Variants in TMEM132C observed in about 807,000 individuals in gnomAD.
TMEM132C encodes the protein transmembrane protein 132C.
In TMEM132C, 29 loss-of-function variants were observed where a neutral mutation model predicts 61.4. That is an observed-to-expected ratio of 0.47 (90% confidence interval 0.35 to 0.64). The LOEUF is 0.64. TMEM132C is among the 30% of genes least tolerant of loss of function. The pLI is 0.00. For synonymous variants in TMEM132C, 656 were observed against 633.1 expected (o/e 1.04, Z -0.54); for missense variants, 1,408 against 1,476.9 (o/e 0.95, Z 0.76).
chr12:128,478,252 G>A (rs1871215257), intron 2 of TMEM132C, among the ~76,000 whole-genome samples: 1 of 152,106 alleles, frequency 6.6e-6, no homozygotes, highest in Non-Finnish European at 1.5e-5. Context: ...CTTCAATTTA[G>A]CCATCAGCTG....
Position 128,376,807 on chromosome 12 carries a change from T to C in TMEM132C, c.86-37925T>C, listed in dbSNP as rs187673833. ...ATAGGTGTGTGCCCCGAAGTGGGCA[T>C]GGGATGTAAACCTGTTTTTCCTCAC... On this transcript the variant is annotated intron_variant, in intron 1 of 8. Coordinates refer to ENST00000435159, the MANE Select transcript of TMEM132C (RefSeq NM_001136103.3). 8.5e-4 allele frequency among the ~76,000 whole-genome samples: 129 copies of C among 152,332 alleles called. No homozygotes were observed. The East Asian group carries it at 0.024, about 28-fold the overall frequency.
At chr12:128,502,791 T>C (rs1872226207) in intron 2 of TMEM132C, among the ~76,000 whole-genome samples, 1 of 152,194 alleles carries the variant, frequency 6.6e-6, no homozygotes, top group African/African-American at 2.4e-5. Flanking sequence ...ATGGCCCCAA[T>C]GGAATGTGCC....
intron 1 of TMEM132C, among the ~76,000 whole-genome samples, chr12:128,277,231 T>C (rs10773518): frequency 0.5 from 76,508 of 152,058 alleles, 19,905 homozygotes; most frequent in African/African-American, 0.64. Flanking sequence ...AAAAATAATT[T>C]GTTCAGTAAC....
chr12:128,274,945 A>G (rs1413686688), intron 1 of TMEM132C, among the ~76,000 whole-genome samples: 1 of 152,190 alleles, frequency 6.6e-6, no homozygotes, highest in African/African-American at 2.4e-5. Context: ...AGAAAGGTAT[A>G]AGACAGCCTC....
intron 1 of TMEM132C, among the ~76,000 whole-genome samples, chr12:128,385,251 G>C (rs1358604931): frequency 7.2e-6 from 1 of 138,860 alleles, no homozygotes; most frequent in Non-Finnish European, 1.6e-5. Flanking sequence ...TCCTCGCACA[G>C]AGCCTGATAG....
chr12:128,706,046 C>T lies in TMEM132C; in HGVS notation c.3078C>T (p.His1026=). 6.4e-7 allele frequency: 1 copy of T among 1,551,746 alleles called. No individual in the cohort carries two copies. Among genetic ancestry groups the T allele is most frequent in the East Asian group, 2.4e-5 (1 of 40,908 alleles). ...GSHKHVQSQI[H]RSADSGGRQG... ...ACAAGCACGTGCAGAGCCAGATTCA[C>T]AGGTCAGCCGACTCCGGGGGGCGGC... Residue 1026 remains histidine, a synonymous_variant, in exon 9 of 9, where the codon CAC becomes CAT. Transcript: ENST00000435159.
intron 2 of TMEM132C, among the ~76,000 whole-genome samples, chr12:128,473,600 C>T (rs572494958): frequency 3.9e-5 from 6 of 152,290 alleles, no homozygotes; most frequent in African/African-American, 1.2e-4. Context: ...ACTCCAGCCT[C>T]TATCTTCATC....
At chr12:128,647,457 C>T (rs1954216356) in intron 4 of TMEM132C, among the ~76,000 whole-genome samples, 1 of 147,066 alleles carries the variant, frequency 6.8e-6, no homozygotes, top group Non-Finnish European at 1.5e-5. Context: ...TGTGAGTTTA[C>T]TAGAGTCCAT....
chr12:128,545,402 G>C (rs1358010581), intron 3 of TMEM132C, among the ~76,000 whole-genome samples: 2 of 152,142 alleles, frequency 1.3e-5, no homozygotes, highest in African/African-American at 4.8e-5. Context: ...CTTTGCTATT[G>C]TGAACAGTGC....
chr12:128,311,459 G>A (rs1871960621), intron 1 of TMEM132C, among the ~76,000 whole-genome samples: 1 of 152,216 alleles, frequency 6.6e-6, no homozygotes. Flanking sequence ...GGACACAGCA[G>A]GCTCTTGTTG....
chr12:128,658,487 C>T (rs981032832), intron 4 of TMEM132C, among the ~76,000 whole-genome samples: 3 of 152,152 alleles, frequency 2.0e-5, no homozygotes, highest in Non-Finnish European at 2.9e-5. Flanking sequence ...ACTGCGCTTC[C>T]GCTGAGATAG....
At chr12:128,412,302 A>G (rs1007971363) in intron 1 of TMEM132C, among the ~76,000 whole-genome samples, 2 of 152,068 alleles carry the variant, frequency 1.3e-5, no homozygotes, top group African/African-American at 2.4e-5. Context: ...TTTTCTCCCC[A>G]TCTTCAGCCC....
At chr12:128,411,935 C>T (rs1195773678) in intron 1 of TMEM132C, among the ~76,000 whole-genome samples, 3 of 152,170 alleles carry the variant, frequency 2.0e-5, no homozygotes, top group Non-Finnish European at 2.9e-5. Context: ...CTCCCGGGTT[C>T]ACAATATGTT....
chr12:128,694,368 CT>C (rs1954741494), intron 6 of TMEM132C, among the ~76,000 whole-genome samples: 1 of 152,158 alleles, frequency 6.6e-6, no homozygotes, highest in Admixed American at 6.5e-5. Flanking sequence ...AAAGTCAGTC[CT>C]TTCCTGTGCT....
intron 3 of TMEM132C, among the ~76,000 whole-genome samples, chr12:128,549,655 C>T (rs576363561): frequency 3.3e-5 from 5 of 152,196 alleles, no homozygotes; most frequent in Non-Finnish European, 7.4e-5. Flanking sequence ...TCACACCTGG[C>T]GAATGATGAA....
rs529012945 is a variant in TMEM132C, at chr12:128,287,676, A to G, written c.85+20189A>G. 4.6e-5 allele frequency among the ~76,000 whole-genome samples: 7 copies of G among 152,300 alleles called. No homozygotes were observed. In the South Asian group the frequency reaches 1.0e-3, roughly 23 times the overall value. On this transcript the variant is annotated intron_variant, in intron 1 of 8. Coordinates refer to ENST00000435159, the MANE Select transcript of TMEM132C (RefSeq NM_001136103.3). ...AGTAAAATGGCATTGCTATGGTACT[A>G]TTATGTATCTGCCTCCTTTATTCGA...
In TMEM132C at chr12:128,697,413, CAGGT is replaced by C; in HGVS notation, c.2121+2_2121+5del. 6.5e-7 allele frequency: 1 copy of C among 1,532,750 alleles called. No homozygotes were observed. The highest frequency in any genetic ancestry group is 8.8e-7 in the Non-Finnish European group (1 of 1,132,682). 94.9% of individuals were successfully genotyped at this position (1,532,750 alleles called of 1,614,324 possible). ...TGAGGAGGTGCTGCGGACCCCCAAA[CAGGT>C]AGGGGGCCAAATGCCAGAGGTTCAG... On this transcript the variant is annotated splice_donor_variant and coding_sequence_variant, in exon 8 of 9. Transcript: ENST00000435159. LOFTEE classifies it high-confidence loss of function.
chr12:128,339,753 A>G (rs1055883919), intron 1 of TMEM132C, among the ~76,000 whole-genome samples: 10 of 151,934 alleles, frequency 6.6e-5, no homozygotes, highest in African/African-American at 2.2e-4. Flanking sequence ...CCTGCTGCAC[A>G]TAGACCTGGA....
In TMEM132C at chr12:128,705,140, C is replaced by T; in HGVS notation, c.2172C>T (p.Pro724=). 4.5e-6 allele frequency: 7 copies of T among 1,551,194 alleles called. No individual in the cohort carries two copies. Among genetic ancestry groups the T allele is most frequent in the Non-Finnish European group, 6.1e-6 (7 of 1,146,738 alleles). ...AGTTCAGTGATGGCTCTGTGACGCC[C>T]CTGGACATCTACGACACCAAGGACT... The part of the protein sequence containing the change: ...WLQFSDGSVT[P]LDIYDTKDFS... The change falls in exon 9 of 9, where the codon CCC becomes CCT. Residue 724 remains proline (P), a synonymous_variant. Transcript: ENST00000435159.
Sources: gnomAD v4.1 joint callset for allele counts (sites outside exome capture counted in the v4.1 genomes callset) on GRCh38, gnomAD v4.1.1 for gene constraint, MANE v1.5 for transcripts, NCBI Gene and HGNC (gene_info 2026-07-23, HGNC 2026-07-21) for gene names.